CHSY1: variants seen among roughly 807,000 people sequenced by gnomAD.
CHSY1 encodes the protein chondroitin sulfate synthase 1.
Under a neutral mutation model 59.8 loss-of-function variants are expected in CHSY1, and 13 were observed. The ratio of observed to expected loss-of-function variants is 0.22; its 90% CI spans 0.14 to 0.35. The LOEUF (loss-of-function observed/expected upper bound fraction) is 0.35. CHSY1 is among the 10% of genes least tolerant of loss of function. The pLI, the probability that CHSY1 is intolerant of heterozygous loss-of-function variation, is 1.00. For synonymous variants in CHSY1, 459 were observed against 401.2 expected (o/e 1.14, Z -1.72); for missense variants, 947 against 1,030.6 (o/e 0.92, Z 1.11).
chr15:101,190,049 A>G (rs2038424657), intron 2 of CHSY1, among the ~76,000 whole-genome samples: 1 of 151,926 alleles, frequency 6.6e-6, no homozygotes, highest in South Asian at 2.1e-4. Flanking sequence ...GTTAAATGCC[A>G]CAGGTTTGGA....
intron 2 of CHSY1, among the ~76,000 whole-genome samples, chr15:101,202,783 G>C (rs1243857646): frequency 1.3e-5 from 2 of 152,184 alleles, no homozygotes; most frequent in Non-Finnish European, 2.9e-5. Flanking sequence ...GGGAGAGGTG[G>C]TTAAGACTAA....
At chr15:101,195,538 C>G (rs959880936) in intron 2 of CHSY1, among the ~76,000 whole-genome samples, 1 of 152,212 alleles carries the variant, frequency 6.6e-6, no homozygotes, top group African/African-American at 2.4e-5. Flanking sequence ...TATTTAAAAG[C>G]TGGCCGGGTG....
chr15:101,231,683 C>T (rs181680483), intron 2 of CHSY1, among the ~76,000 whole-genome samples: 119 of 152,244 alleles, frequency 7.8e-4, no homozygotes, highest in Non-Finnish European at 1.4e-3. Context: ...TGGGCTTGAC[C>T]CTTGCGACCT....
At chr15:101,239,174 C>CTGA (rs1202044754) in intron 1 of CHSY1, among the ~76,000 whole-genome samples, 2 of 152,176 alleles carry the variant, frequency 1.3e-5, no homozygotes, top group African/African-American at 2.4e-5. Context: ...GTGCTTGGCA[C>CTGA]ATAATAGAGG....
intron 2 of CHSY1, among the ~76,000 whole-genome samples, chr15:101,182,955 G>C (rs1053536139): frequency 6.6e-6 from 1 of 152,088 alleles, no homozygotes; most frequent in African/African-American, 2.4e-5. Context: ...ACAACGCAGT[G>C]AACAGAAGAA....
chr15:101,222,603 T>C (rs1471846284), intron 2 of CHSY1, among the ~76,000 whole-genome samples: 1 of 152,242 alleles, frequency 6.6e-6, no homozygotes, highest in African/African-American at 2.4e-5. Context: ...TGGTCACCTC[T>C]AGCCTGACAG....
intron 2 of CHSY1, among the ~76,000 whole-genome samples, chr15:101,226,187 A>G (rs142312804): frequency 3.9e-4 from 59 of 152,370 alleles, no homozygotes; most frequent in African/African-American, 1.3e-3. Context: ...ATTTGTTTAC[A>G]TAGATCAAAA....
intron 2 of CHSY1, among the ~76,000 whole-genome samples, chr15:101,185,053 C>A (rs967186647): frequency 6.6e-6 from 1 of 152,218 alleles, no homozygotes; most frequent in African/African-American, 2.4e-5. Context: ...TTAACCAAGA[C>A]CTGCCCAAAT....
At chr15:101,219,198 A>C (rs927945288) in intron 2 of CHSY1, among the ~76,000 whole-genome samples, 7 of 152,038 alleles carry the variant, frequency 4.6e-5, no homozygotes, top group Non-Finnish European at 4.4e-5. Flanking sequence ...AAAAAAATCT[A>C]TTTATTACAA....
chr15:101,229,013 GTTA>G (rs917611095), intron 2 of CHSY1, among the ~76,000 whole-genome samples: 2 of 152,126 alleles, frequency 1.3e-5, no homozygotes, highest in South Asian at 2.1e-4. Context: ...GTTTACTACT[GTTA>G]TTAAGTTGGT....
chr15:101,240,727 A>T (rs977521597), intron 1 of CHSY1, among the ~76,000 whole-genome samples: 1 of 152,220 alleles, frequency 6.6e-6, no homozygotes, highest in African/African-American at 2.4e-5. Flanking sequence ...TTTGTGTGGA[A>T]AAAAAATCAG....
intron 2 of CHSY1, among the ~76,000 whole-genome samples, chr15:101,222,714 C>A (rs2038802302): frequency 6.6e-6 from 1 of 152,176 alleles, no homozygotes; most frequent in African/African-American, 2.4e-5. Flanking sequence ...CTGAAGTTTT[C>A]TCCGATTAAA....
chr15:101,230,832 T>C (rs1209168171), intron 2 of CHSY1, among the ~76,000 whole-genome samples: 1 of 152,230 alleles, frequency 6.6e-6, no homozygotes, highest in East Asian at 1.9e-4. Flanking sequence ...GAACATATGG[T>C]CTTTGTCTCC....
At chr15:101,218,003 G>A (rs896650580) in intron 2 of CHSY1, among the ~76,000 whole-genome samples, 1 of 152,210 alleles carries the variant, frequency 6.6e-6, no homozygotes, top group Non-Finnish European at 1.5e-5. Flanking sequence ...ACGTACCCTT[G>A]ATATGATGTG....
At chr15:101,197,033 G>C (rs1198226295) in intron 2 of CHSY1, among the ~76,000 whole-genome samples, 1 of 152,160 alleles carries the variant, frequency 6.6e-6, no homozygotes, top group Non-Finnish European at 1.5e-5. Flanking sequence ...CATCTATACA[G>C]ATACTCAAGA....
In CHSY1 at chr15:101,225,576, A is replaced by G. The variant is rs1364348566; in HGVS notation, c.816+9506T>C. The stretch of plus-strand genomic sequence containing the variant: ...TGTCCTCCTAACAGTGAGTTAGTTC[A>G]AGATCTGGTTGTTTAAACATGTGTA... On this transcript the variant is annotated intron_variant, in intron 2 of 2. Coordinates refer to ENST00000254190, the MANE Select transcript of CHSY1 (RefSeq NM_014918.5). Among the ~76,000 whole-genome samples the G allele has an allele frequency of 2.0e-5, 3 of 152,008 alleles. No homozygotes were observed. The South Asian group carries it at 6.2e-4, about 32-fold the overall frequency.
rs528600959 is a variant in CHSY1, at chr15:101,236,488, T to G, written c.321-911A>C. ...TGCCTTTCACTTTCCACCATGATTGTGAGGCCTCCCCAGCTATGTGGAACT... is the reference window on the plus strand; with the variant it reads ...TGCCTTTCACTTTCCACCATGATTGGGAGGCCTCCCCAGCTATGTGGAACT... On this transcript the variant is annotated intron_variant, in intron 1 of 2. Coordinates refer to ENST00000254190, the MANE Select transcript of CHSY1 (RefSeq NM_014918.5). Among the ~76,000 whole-genome samples the G allele has an allele frequency of 2.6e-5, 4 of 152,326 alleles. No individual in the cohort carries two copies. In the East Asian group the frequency reaches 5.8e-4, roughly 22 times the overall value.
intron 1 of CHSY1, among the ~76,000 whole-genome samples, chr15:101,246,687 G>A (rs2039056220): frequency 6.6e-6 from 1 of 152,060 alleles, no homozygotes; most frequent in Admixed American, 6.5e-5. Context: ...ATACTATTTG[G>A]GGAAAAAATA....
At chr15:101,197,309 C>T (rs1015867556) in intron 2 of CHSY1, among the ~76,000 whole-genome samples, 1 of 152,218 alleles carries the variant, frequency 6.6e-6, no homozygotes, top group Non-Finnish European at 1.5e-5. Context: ...TTAAAGGTCA[C>T]GTTAAGCTTT....
Sources: gnomAD v4.1 joint callset for allele counts (sites outside exome capture counted in the v4.1 genomes callset) on GRCh38, gnomAD v4.1.1 for gene constraint, MANE v1.5 for transcripts, NCBI Gene and HGNC (gene_info 2026-07-23, HGNC 2026-07-21) for gene names.